IMMP1L: variants seen among roughly 807,000 people sequenced by gnomAD.
IMMP1L encodes inner mitochondrial membrane peptidase subunit 1.
Under a neutral mutation model 21.8 loss-of-function variants are expected in IMMP1L, and 24 were observed. The ratio of observed to expected loss-of-function variants is 1.10; its 90% confidence interval spans 0.80 to 1.55. The LOEUF (loss-of-function observed/expected upper bound fraction) is 1.55. IMMP1L is among the 40% of genes most tolerant of loss of function. The pLI is 0.00. For missense variants in IMMP1L, 195 were observed against 200.7 expected (o/e 0.97, Z 0.17); for synonymous variants, 46 against 62.8 (o/e 0.73, Z 1.26).
intron 1 of IMMP1L, among the ~76,000 whole-genome samples, chr11:31,494,015 C>T (rs1055816790): frequency 1.5e-4 from 23 of 152,174 alleles, no homozygotes; most frequent in African/African-American, 4.3e-4. Flanking sequence ...TCCAGGTGCA[C>T]GGTGCAAGCT....
chr11:31,442,250 A>G (rs1953358390), intron 4 of IMMP1L, among the ~76,000 whole-genome samples: 1 of 152,142 alleles, frequency 6.6e-6, no homozygotes, highest in Non-Finnish European at 1.5e-5. Flanking sequence ...GTTCTCAGCT[A>G]TATTTACTGA....
intron 1 of IMMP1L, among the ~76,000 whole-genome samples, chr11:31,501,787 C>T (rs1265351013): frequency 1.5e-5 from 2 of 134,566 alleles, no homozygotes; most frequent in Non-Finnish European, 3.1e-5. Flanking sequence ...AACCCCATCT[C>T]TACAAATAAA....
chr11:31,470,792 C>CA (rs1278479552), intron 1 of IMMP1L, among the ~76,000 whole-genome samples: 1 of 152,078 alleles, frequency 6.6e-6, no homozygotes, highest in African/African-American at 2.4e-5. Context: ...TATTCAGCCA[C>CA]AAAAACCAAT....
At chr11:31,473,340 C>T (rs946477911) in intron 1 of IMMP1L, among the ~76,000 whole-genome samples, 1 of 152,142 alleles carries the variant, frequency 6.6e-6, no homozygotes, top group African/African-American at 2.4e-5. Context: ...TGAGCCACTG[C>T]GCCCGGCCCC....
intron 1 of IMMP1L, among the ~76,000 whole-genome samples, chr11:31,503,650 C>T (rs554668672): frequency 1.4e-4 from 22 of 152,226 alleles, no homozygotes; most frequent in African/African-American, 5.3e-4. Context: ...TTATGACAGA[C>T]CAATCCTACC....
intron 5 of IMMP1L, among the ~76,000 whole-genome samples, chr11:31,433,090 G>T (rs1952972610): frequency 1.3e-5 from 2 of 152,282 alleles, no homozygotes; most frequent in Middle Eastern, 3.4e-3. Flanking sequence ...CTCAACTGGG[G>T]TATCCCTACT....
intron 1 of IMMP1L, among the ~76,000 whole-genome samples, chr11:31,501,904 G>T (rs574394069): frequency 9.9e-5 from 15 of 151,894 alleles, no homozygotes; most frequent in African/African-American, 3.6e-4. Flanking sequence ...CTTGAACCTG[G>T]GAGGTGGAGG....
At chr11:31,444,204 A>G (rs1315439964) in intron 4 of IMMP1L, among the ~76,000 whole-genome samples, 1 of 152,164 alleles carries the variant, frequency 6.6e-6, no homozygotes, top group African/African-American at 2.4e-5. Context: ...ACCTTACAGA[A>G]ATACTATGAG....
chr11:31,441,740 C>T (rs1953336558), intron 4 of IMMP1L, among the ~76,000 whole-genome samples: 1 of 151,940 alleles, frequency 6.6e-6, no homozygotes, highest in African/African-American at 2.4e-5. Flanking sequence ...GGTAGATTAA[C>T]ATGTATTTTT....
In IMMP1L at chr11:31,509,605, T is replaced by C; in HGVS notation, c.-116A>G. The C allele has an allele frequency of 3.0e-6, 2 of 657,650 alleles. No individual in the cohort carries two copies. The highest frequency in any genetic ancestry group is 5.2e-6 in the Non-Finnish European group (2 of 388,062). 40.7% of individuals were successfully genotyped at this position (657,650 alleles called of 1,614,324 possible). A position where few individuals can be genotyped will look rare whatever the true frequency, so the allele number is the denominator to read the frequency against. On this transcript the variant is annotated 5_prime_UTR_variant, in exon 1 of 6. Coordinates refer to ENST00000532287, the MANE Select transcript of IMMP1L (RefSeq NM_001304274.2). ...GGCCCCGCCGAAGTCGACCGTCCTT[T>C]CGTAGGGCGCACTTTTCAGCAATAC...
intron 4 of IMMP1L, among the ~76,000 whole-genome samples, chr11:31,455,645 T>C (rs1168900629): frequency 4.6e-5 from 7 of 152,212 alleles, no homozygotes; most frequent in Non-Finnish European, 1.0e-4. Flanking sequence ...CATTTAGTTA[T>C]CATGTCTCCT....
intron 1 of IMMP1L, chr11:31,469,827 T>C (rs1954484144): frequency 6.6e-6 from 1 of 152,134 alleles, no homozygotes; most frequent in Admixed American, 6.5e-5. Context: ...AAGTTTAAAA[T>C]TGGTCAGAAA....
intron 1 of IMMP1L, among the ~76,000 whole-genome samples, chr11:31,485,086 C>T (rs1052530052): frequency 4.6e-5 from 7 of 151,732 alleles, no homozygotes; most frequent in African/African-American, 1.5e-4. Context: ...TAAATGGATA[C>T]GAAGTCAAAT....
chr11:31,497,725 C>CA (rs1173830647), intron 1 of IMMP1L, among the ~76,000 whole-genome samples: 1 of 152,168 alleles, frequency 6.6e-6, no homozygotes, highest in Admixed American at 6.5e-5. Flanking sequence ...GTTGGGATTA[C>CA]AGGCGTGAGC....
intron 4 of IMMP1L, among the ~76,000 whole-genome samples, chr11:31,437,782 G>A (rs1033161635): frequency 6.6e-6 from 1 of 152,058 alleles, no homozygotes; most frequent in Non-Finnish European, 1.5e-5. Flanking sequence ...CAGTCAACGA[G>A]TGAACTGCTT....
At chr11:31,459,099 TAA>T (rs977658412) in intron 3 of IMMP1L, among the ~76,000 whole-genome samples, 3 of 152,210 alleles carry the variant, frequency 2.0e-5, no homozygotes, top group Non-Finnish European at 4.4e-5. Context: ...ATCTATTATA[TAA>T]GTTTTATTTT....
At chr11:31,506,568 T>C (rs1955784490) in intron 1 of IMMP1L, among the ~76,000 whole-genome samples, 1 of 151,896 alleles carries the variant, frequency 6.6e-6, no homozygotes, top group South Asian at 2.1e-4. Flanking sequence ...ATGAATACTT[T>C]ATTTATTCTC....
chr11:31,504,281 TA>T (rs1955717111), intron 1 of IMMP1L, among the ~76,000 whole-genome samples: 2 of 152,184 alleles, frequency 1.3e-5, no homozygotes, highest in Admixed American at 6.5e-5. Context: ...TACAGAATGA[TA>T]GAAGATATTT....
chr11:31,435,566 C>T (rs908259685), intron 4 of IMMP1L, among the ~76,000 whole-genome samples: 2 of 152,060 alleles, frequency 1.3e-5, no homozygotes, highest in Non-Finnish European at 2.9e-5. Context: ...TAGATTTTTG[C>T]CAATATATAT....
Sources: gnomAD v4.1 joint callset for allele counts (sites outside exome capture counted in the v4.1 genomes callset) on GRCh38, gnomAD v4.1.1 for gene constraint, MANE v1.5 for transcripts, NCBI Gene and HGNC (gene_info 2026-07-23, HGNC 2026-07-21) for gene names.